The following METTL25B variants were observed in gnomAD, a reference collection of about 807,000 sequenced individuals.
METTL25B encodes the protein methyltransferase like 25B, also known as methyltransferase-like protein 25B.
METTL25B carries 38 observed loss-of-function variants against 48.4 expected under a neutral mutation model. The ratio of observed to expected loss-of-function variants is 0.78; its 90% CI spans 0.61 to 1.03. The LOEUF (loss-of-function observed/expected upper bound fraction) is 1.03. Ranked by LOEUF, METTL25B falls within the 50% of genes least tolerant of loss-of-function variation. The pLI is 0.00. For missense variants in METTL25B, 537 were observed against 603.7 expected (o/e 0.89, Z 1.16); for synonymous variants, 230 against 254.5 (o/e 0.90, Z 0.92).
Position 156,734,412 on chromosome 1 carries a change from C to T in METTL25B, c.1040C>T (p.Thr347Ile), listed in dbSNP as rs1386877915. Residue 347 changes from threonine to isoleucine, a missense_variant, in exon 6 of 8, where the codon ACA becomes ATA. Physicochemically the swap from Thr to Ile is moderately conservative, Grantham distance 89. Coordinates refer to ENST00000368216, the MANE Select transcript of METTL25B (RefSeq NM_015997.4). ...CACTGCTACCGTGCAGCACTGGAGA[C>T]AGTCATCCGACGGGCCCGGCCCGAG... ...RTHCYRAALE[T>I]VIRRARPELR... 2 of 1,612,380 alleles carry T rather than the reference C, an allele frequency of 1.2e-6. No individual in the cohort carries two copies. Among genetic ancestry groups the T allele is most frequent in the South Asian group, 1.1e-5 (1 of 90,820 alleles).
chr1:156,733,565 G>T, intron 5 of METTL25B, 45 bp downstream of exon 5: 1 of 1,600,438 alleles, frequency 6.2e-7, no homozygotes, highest in Non-Finnish European at 8.5e-7. Context: ...AGCAGGGGCT[G>T]CTTGGCTGGA....
chr1:156,735,954 G>A, intron 7 of METTL25B, 45 bp downstream of exon 7: 1 of 1,523,650 alleles, frequency 6.6e-7, no homozygotes, highest in Non-Finnish European at 8.9e-7. Context: ...TAGTGACTGG[G>A]GTTCTGGGGC....
intron 5 of METTL25B, 111 bp from the exon 6 acceptor site, chr1:156,733,898 C>T: frequency 6.9e-7 from 1 of 1,444,498 alleles, no homozygotes; most frequent in Non-Finnish European, 9.3e-7. Flanking sequence ...TTATCTCCCA[C>T]ATTCCTCCTT....
chr1:156,732,621 T>C (rs1649393931), intron 3 of METTL25B, 148 bp downstream of exon 3: 1 of 772,458 alleles, frequency 1.3e-6, no homozygotes, highest in Admixed American at 2.9e-5. Context: ...AATCATATTT[T>C]GATGCTGGGG....
rs546616114 is a variant in METTL25B at position 156,729,257 on chromosome 1, G to C, written c.111+42G>C. Reference sequence around the variant, plus strand: ...GTGGGTGGGATGTCTCTGGTCGTGTGGTTGGCTAGGTGCCCACGTCAGGGA... The same window carrying C: ...GTGGGTGGGATGTCTCTGGTCGTGTCGTTGGCTAGGTGCCCACGTCAGGGA... On this transcript the variant is annotated intron_variant, in intron 1 of 7. Transcript: ENST00000368216. 16 of 1,205,346 alleles carry C rather than the reference G, an allele frequency of 1.3e-5. No individual in the cohort carries two copies. The South Asian group carries it at 1.8e-4, about 14-fold the overall frequency. The allele number at this position is 1,205,346 out of a possible 1,614,324, so 74.7% of individuals were successfully genotyped here.
rs1649837715 is a variant in METTL25B, at chr1:156,736,691, C to T, written c.1366C>T (p.Leu456=). The T allele has an allele frequency of 6.2e-7, 1 of 1,613,856 alleles. No individual in the cohort carries two copies. Among genetic ancestry groups the T allele is most frequent in the African/African-American group, 1.3e-5 (1 of 74,942 alleles). Residue 456 remains leucine (L), a synonymous_variant, in exon 8 of 8, where the codon CTG becomes TTG. Transcript: ENST00000368216. ...SPELSPRNLV[L]VATKMPLGQA... is the part of the protein sequence containing the mutation. ...TGAACTCTCTCCCAGAAACCTGGTTCTGGTGGCCACCAAGATGCCCCTGGG... is the reference window on the plus strand; with the variant it reads ...TGAACTCTCTCCCAGAAACCTGGTTTTGGTGGCCACCAAGATGCCCCTGGG...
chr1:156,735,064 C>T (rs1306059573), intron 6 of METTL25B, among the ~76,000 whole-genome samples: 5 of 151,092 alleles, frequency 3.3e-5, no homozygotes, highest in African/African-American at 9.7e-5. Context: ...TGATACGGGC[C>T]GATCACCTGA....
chr1:156,732,607 A>C lies in METTL25B; in HGVS notation c.429+134A>C, dbSNP rs748558211. ...GACATTCCTTTACCTCAACAGACAT[A>C]ACTAATCATATTTTGATGCTGGGGT... On this transcript the variant is annotated intron_variant, in intron 3 of 7. Coordinates refer to ENST00000368216, the MANE Select transcript of METTL25B (RefSeq NM_015997.4). 2.2e-4 allele frequency: 175 copies of C among 804,538 alleles called. 1 individual carries two copies. Among genetic ancestry groups the C allele is most frequent in the Middle Eastern group, 1.0e-3 (3 of 2,978 alleles). 49.8% of individuals were successfully genotyped at this position (804,538 alleles called of 1,614,324 possible).
intron 6 of METTL25B, among the ~76,000 whole-genome samples, chr1:156,735,341 A>G (rs1223728485): frequency 6.7e-6 from 1 of 149,916 alleles, no homozygotes; most frequent in East Asian, 2.0e-4. Context: ...ATAGTTGGAC[A>G]GAACTGGCTG....
chr1:156,736,563 A>G, intron 7 of METTL25B, 69 bp from the exon 8 acceptor site: 1 of 1,588,804 alleles, frequency 6.3e-7, no homozygotes, highest in South Asian at 1.1e-5. Flanking sequence ...CTATGCCTAC[A>G]GGCCTGGGCA....
At position 156,733,535 on chromosome 1, in the gene METTL25B, C is replaced by T. The variant is rs1167301092; in HGVS notation, c.636+15C>T. On this transcript the variant is annotated intron_variant, in intron 5 of 7. Transcript: ENST00000368216. ...GGAACCCGCAGGTAGGCCAACCCTT[C>T]CTGCGACCTGGACTGCAGGAGCAGG... 2.5e-6 allele frequency: 4 copies of T among 1,612,672 alleles called. No homozygotes were observed. The highest frequency in any genetic ancestry group is 2.2e-5 in the East Asian group (1 of 44,872).
intron 7 of METTL25B, chr1:156,736,399 C>T (rs1649803388): frequency 6.7e-6 from 3 of 447,814 alleles, no homozygotes; most frequent in South Asian, 4.2e-5. Context: ...TCTGGTGAAC[C>T]TCTCTAAGGT....
rs768829759 is a variant in METTL25B, at chr1:156,733,021, C to G, written c.466C>G (p.Gln156Glu). The G allele has an allele frequency of 1.5e-5, 25 of 1,614,024 alleles. No individual in the cohort carries two copies. The highest frequency in any genetic ancestry group is 2.7e-5 in the African/African-American group (2 of 74,918). ...GCTGAGTGATTTCACAGGCTGCACCCAGGTTGTAGACGTGGGCTCAGGCCA... is the reference window on the plus strand; with the variant it reads ...GCTGAGTGATTTCACAGGCTGCACCGAGGTTGTAGACGTGGGCTCAGGCCA... Reference protein sequence around the residue: ...KKLSDFTGCTQVVDVGSGQGH... With the variant: ...KKLSDFTGCTEVVDVGSGQGH... Residue 156 changes from glutamine to glutamate, a missense_variant, in exon 4 of 8, where the codon CAG becomes GAG. By Grantham distance (29) the Gln-to-Glu change is conservative. Transcript: ENST00000368216.
intron 1 of METTL25B, 92 bp from the exon 2 acceptor site, chr1:156,731,899 A>C: frequency 6.6e-7 from 1 of 1,516,018 alleles, no homozygotes. Flanking sequence ...AGTGCTGGGA[A>C]GAGGCAGGCA....
intron 1 of METTL25B, among the ~76,000 whole-genome samples, chr1:156,731,027 TC>T (rs1318350180): frequency 6.6e-6 from 1 of 152,246 alleles, no homozygotes; most frequent in Non-Finnish European, 1.5e-5. Context: ...TCTTCCCTCA[TC>T]ATCCTATCTA....
intron 6 of METTL25B, 140 bp from the exon 7 acceptor site, chr1:156,735,585 T>TATATATATATGC (rs1260366859): frequency 2.8e-5 from 1 of 35,260 alleles, no homozygotes; most frequent in Admixed American, 5.2e-4. Context: ...TATATATATA[T>TATATATATATGC]ATGCACATAT....
intron 1 of METTL25B, chr1:156,729,679 T>G (rs1243919956): frequency 6.2e-6 from 1 of 161,406 alleles, no homozygotes; most frequent in Non-Finnish European, 1.3e-5. Context: ...AATTCGTGGT[T>G]TTGTGGTATA....
intron 4 of METTL25B, 68 bp from the exon 5 acceptor site, chr1:156,733,309 A>G: frequency 1.3e-6 from 2 of 1,569,478 alleles, no homozygotes; most frequent in Non-Finnish European, 1.7e-6. Context: ...TGTCCAGGTT[A>G]CCCATGGGGA....
Position 156,733,531 on chromosome 1 carries a change from C to G in METTL25B, c.636+11C>G, listed in dbSNP as rs765282530. 4 of 1,612,934 alleles carry G rather than the reference C, an allele frequency of 2.5e-6. No homozygotes were observed. Among genetic ancestry groups the G allele is most frequent in the South Asian group, 2.2e-5 (2 of 91,010 alleles). On this transcript the variant is annotated intron_variant, in intron 5 of 7. Transcript: ENST00000368216. Reference sequence around the variant, plus strand: ...AAGAGGAACCCGCAGGTAGGCCAACCCTTCCTGCGACCTGGACTGCAGGAG... The same window carrying G: ...AAGAGGAACCCGCAGGTAGGCCAACGCTTCCTGCGACCTGGACTGCAGGAG...
Sources: allele counts gnomAD v4.1 joint callset (sites outside exome capture counted in the v4.1 genomes callset), GRCh38; gene constraint gnomAD v4.1.1; transcripts MANE v1.5; gene names NCBI Gene and HGNC (gene_info 2026-07-23, HGNC 2026-07-21).